Variants in LSAMP observed in about 807,000 individuals in gnomAD.
LSAMP encodes the protein limbic system-associated membrane protein.
A neutral mutation model predicts 38.6 loss-of-function variants in LSAMP; 7 were observed. That is an observed-to-expected ratio of 0.18 (90% CI 0.10 to 0.34). LSAMP has a LOEUF of 0.34. Among genes scored for constraint, LSAMP ranks in the 10% least tolerant of loss-of-function variants. The pLI is 1.00. For synonymous variants in LSAMP, 154 were observed against 166.8 expected (o/e 0.92, Z 0.59); for missense variants, 313 against 420.0 (o/e 0.75, Z 2.23).
chr3:115,933,953 T>C (rs1272482576), intron 3 of LSAMP, among the ~76,000 whole-genome samples: 2 of 151,970 alleles, frequency 1.3e-5, no homozygotes, highest in Non-Finnish European at 2.9e-5. Context: ...ATTCATTCTT[T>C]TAAAAATGTT....
intron 1 of LSAMP, among the ~76,000 whole-genome samples, chr3:116,200,309 G>A (rs1167937832): frequency 6.6e-6 from 1 of 152,162 alleles, no homozygotes; most frequent in Non-Finnish European, 1.5e-5. Flanking sequence ...TATAAGAGGT[G>A]GTTGTCCAGC....
At chr3:116,176,215 C>G (rs746370314) in intron 1 of LSAMP, among the ~76,000 whole-genome samples, 1 of 151,900 alleles carries the variant, frequency 6.6e-6, no homozygotes, top group African/African-American at 2.4e-5. Context: ...TAAAGAATTG[C>G]ACCAGAAGCA....
At chr3:116,316,212 A>G (rs1173461970) in intron 1 of LSAMP, among the ~76,000 whole-genome samples, 1 of 152,198 alleles carries the variant, frequency 6.6e-6, no homozygotes, top group African/African-American at 2.4e-5. Flanking sequence ...GAAACATCAC[A>G]GGTTCTAGTG....
intron 1 of LSAMP, among the ~76,000 whole-genome samples, chr3:116,255,969 T>C (rs529075085): frequency 1.2e-4 from 18 of 152,134 alleles, no homozygotes; most frequent in Non-Finnish European, 1.9e-4. Context: ...GGATTGTATA[T>C]ATTTGGCCAT....
intron 3 of LSAMP, among the ~76,000 whole-genome samples, chr3:115,985,246 G>A (rs572237287): frequency 6.6e-6 from 1 of 152,240 alleles, no homozygotes; most frequent in Admixed American, 6.5e-5. Flanking sequence ...CAGTACCAAA[G>A]CGTTGCTGGA....
intron 3 of LSAMP, among the ~76,000 whole-genome samples, chr3:115,891,901 A>G (rs1936609223): frequency 6.6e-6 from 1 of 151,922 alleles, no homozygotes; most frequent in Non-Finnish European, 1.5e-5. Flanking sequence ...TTAAGTAGAA[A>G]GTGATATGAT....
intron 1 of LSAMP, among the ~76,000 whole-genome samples, chr3:116,205,214 G>T (rs2046050056): frequency 6.7e-6 from 1 of 148,560 alleles, no homozygotes; most frequent in Non-Finnish European, 1.5e-5. Context: ...GTCTGTTGTT[G>T]GTGTATAAGA....
chr3:116,249,764 A>G (rs1296773952), intron 1 of LSAMP, among the ~76,000 whole-genome samples: 1 of 152,104 alleles, frequency 6.6e-6, no homozygotes, highest in Non-Finnish European at 1.5e-5. Context: ...AGCAAAATCA[A>G]TAATAGACCC....
intron 3 of LSAMP, among the ~76,000 whole-genome samples, chr3:115,894,653 AT>A (rs1371828617): frequency 1.3e-5 from 2 of 152,024 alleles, no homozygotes; most frequent in Non-Finnish European, 2.9e-5. Flanking sequence ...CTGATAACAT[AT>A]TTTTTTCCAT....
chr3:116,310,028 C>T (rs2047535255), intron 1 of LSAMP, among the ~76,000 whole-genome samples: 1 of 152,142 alleles, frequency 6.6e-6, no homozygotes, highest in Non-Finnish European at 1.5e-5. Flanking sequence ...TGTCTCATCT[C>T]TTTGGATTTG....
At chr3:116,154,507 G>A (rs1202088949) in intron 1 of LSAMP, among the ~76,000 whole-genome samples, 1 of 152,056 alleles carries the variant, frequency 6.6e-6, no homozygotes, top group Non-Finnish European at 1.5e-5. Context: ...TTCACAGCTT[G>A]CCATTCGTTT....
intron 2 of LSAMP, among the ~76,000 whole-genome samples, chr3:116,038,204 A>G (rs1425012022): frequency 6.6e-6 from 1 of 152,152 alleles, no homozygotes; most frequent in Non-Finnish European, 1.5e-5. Flanking sequence ...TTCTCACCTG[A>G]AGGATGGGAA....
At chr3:115,976,677 G>A (rs758018286) in intron 3 of LSAMP, among the ~76,000 whole-genome samples, 1 of 152,172 alleles carries the variant, frequency 6.6e-6, no homozygotes, top group Non-Finnish European at 1.5e-5. Context: ...GGAATGTGGT[G>A]AGAGGTGATT....
At chr3:115,876,436 G>T (rs1283123898) in intron 3 of LSAMP, among the ~76,000 whole-genome samples, 1 of 151,956 alleles carries the variant, frequency 6.6e-6, no homozygotes, top group Non-Finnish European at 1.5e-5. Context: ...AAATGAGTGT[G>T]TATTGGTAGT....
chr3:115,984,407 A>G (rs2107632452), intron 3 of LSAMP, among the ~76,000 whole-genome samples: 1 of 152,302 alleles, frequency 6.6e-6, no homozygotes. Flanking sequence ...AGAGCATCCA[A>G]GGAGAAAGAA....
chr3:116,266,094 A>G (rs187968167), intron 1 of LSAMP, among the ~76,000 whole-genome samples: 33 of 152,254 alleles, frequency 2.2e-4, no homozygotes, highest in Admixed American at 1.8e-3. Flanking sequence ...CAGGGTCACA[A>G]TTACTTAAAA....
chr3:116,376,931 A>C (rs1292453796), intron 1 of LSAMP, among the ~76,000 whole-genome samples: 1 of 152,080 alleles, frequency 6.6e-6, no homozygotes. Context: ...ATCTATTTGT[A>C]CTACTACTAA....
At chr3:115,852,778 A>G (rs1935374960) in intron 3 of LSAMP, among the ~76,000 whole-genome samples, 161 bp from the exon 4 acceptor site, 3 of 152,196 alleles carry the variant, frequency 2.0e-5, no homozygotes, top group Non-Finnish European at 1.5e-5. Context: ...CTCAAGACAA[A>G]AATCTTATGA....
At chr3:116,434,660 C>T (rs2049323804) in intron 1 of LSAMP, among the ~76,000 whole-genome samples, 2 of 152,138 alleles carry the variant, frequency 1.3e-5, no homozygotes, top group African/African-American at 4.8e-5. Context: ...TCAAGCCATT[C>T]TCCTGCCTCG....
Sources: gnomAD v4.1 joint callset for allele counts (sites outside exome capture counted in the v4.1 genomes callset) on GRCh38, gnomAD v4.1.1 for gene constraint, MANE v1.5 for transcripts, NCBI Gene and HGNC (gene_info 2026-07-23, HGNC 2026-07-21) for gene names.